Variants in FRMD4A observed in about 807,000 individuals in gnomAD.
FRMD4A encodes FERM domain containing 4A.
FRMD4A carries 29 observed loss-of-function variants against 129.1 expected under a neutral mutation model. That is an observed-to-expected ratio of 0.22 (90% CI 0.17 to 0.31). The LOEUF is 0.31. Among genes scored for constraint, FRMD4A ranks in the 10% least tolerant of loss-of-function variants. The probability of loss-of-function intolerance (pLI) is 1.00; values close to 1 mark genes in which losing one functional copy is unlikely to be tolerated. For synonymous variants in FRMD4A, 634 were observed against 571.6 expected, an observed-to-expected ratio of 1.11 and a Z score of -1.56; for missense variants, 1,272 against 1,375.8, an observed-to-expected ratio of 0.92 and a Z score of 1.19.
intron 2 of FRMD4A, among the ~76,000 whole-genome samples, chr10:13,995,819 C>CTT (rs112271578): frequency 6.2e-5 from 9 of 144,332 alleles, no homozygotes; most frequent in African/African-American, 7.6e-5. Context: ...TTCCAGACTG[C>CTT]TTTTTTTTTT....
At chr10:14,007,858 A>G (rs1040643348) in intron 2 of FRMD4A, among the ~76,000 whole-genome samples, 20 of 152,218 alleles carry the variant, frequency 1.3e-4, no homozygotes, top group African/African-American at 4.8e-4. Flanking sequence ...TGAGATCCAC[A>G]AGTTACAAAA....
intron 3 of FRMD4A, among the ~76,000 whole-genome samples, chr10:13,822,948 G>T (rs891037665): frequency 1.3e-5 from 2 of 152,082 alleles, no homozygotes; most frequent in Non-Finnish European, 2.9e-5. Flanking sequence ...CTCCCTGGGA[G>T]CAATGCTTTT....
chr10:13,921,258 C>CTT (rs2095068954), intron 2 of FRMD4A, among the ~76,000 whole-genome samples: 3 of 135,308 alleles, frequency 2.2e-5, no homozygotes, highest in African/African-American at 5.2e-5. Flanking sequence ...TTCTCTCTCT[C>CTT]TCTCTCTTTC....
chr10:13,823,535 C>G (rs1320083879), intron 3 of FRMD4A, among the ~76,000 whole-genome samples: 7 of 152,222 alleles, frequency 4.6e-5, no homozygotes, highest in African/African-American at 1.7e-4. Context: ...GAAGCAACAT[C>G]TTGGGATTCC....
intron 2 of FRMD4A, among the ~76,000 whole-genome samples, chr10:14,211,605 G>T (rs968989175): frequency 1.3e-5 from 2 of 152,096 alleles, no homozygotes; most frequent in African/African-American, 4.8e-5. Flanking sequence ...GATCTTTAGG[G>T]TCAAAGATTG....
chr10:13,697,418 G>A (rs1323459967), intron 14 of FRMD4A, among the ~76,000 whole-genome samples: 2 of 152,142 alleles, frequency 1.3e-5, no homozygotes, highest in Non-Finnish European at 2.9e-5. Flanking sequence ...AAAGTGCTGG[G>A]ATTACAGGCA....
intron 12 of FRMD4A, among the ~76,000 whole-genome samples, chr10:13,717,778 G>A (rs1196838564): frequency 6.7e-6 from 1 of 149,004 alleles, no homozygotes. Context: ...ATCCAGAGAC[G>A]TGGCATCATA....
At chr10:14,098,851 C>T (rs926831744) in intron 2 of FRMD4A, among the ~76,000 whole-genome samples, 3 of 152,206 alleles carry the variant, frequency 2.0e-5, no homozygotes, top group Non-Finnish European at 4.4e-5. Context: ...TTTCCTGGCA[C>T]AGTACAACAT....
At chr10:13,735,477 TC>T (rs1162701861) in intron 12 of FRMD4A, among the ~76,000 whole-genome samples, 1 of 152,242 alleles carries the variant, frequency 6.6e-6, no homozygotes, top group African/African-American at 2.4e-5. Context: ...TGTTTTAGCA[TC>T]TTATAATAAT....
At chr10:14,064,014 A>C (rs1025137849) in intron 2 of FRMD4A, among the ~76,000 whole-genome samples, 1 of 152,210 alleles carries the variant, frequency 6.6e-6, no homozygotes. Flanking sequence ...TTGAAAAATC[A>C]AGTCATGTTC....
intron 12 of FRMD4A, among the ~76,000 whole-genome samples, chr10:13,728,102 T>A (rs1461034501): frequency 6.6e-6 from 1 of 152,118 alleles, no homozygotes; most frequent in African/African-American, 2.4e-5. Context: ...CACCAACAAC[T>A]CCTAGGGTTT....
At chr10:14,202,590 G>A (rs991680818) in intron 2 of FRMD4A, among the ~76,000 whole-genome samples, 5 of 151,786 alleles carry the variant, frequency 3.3e-5, no homozygotes, top group East Asian at 1.9e-4. Context: ...TAGTAGAGAC[G>A]GGGTTTCACC....
chr10:14,134,802 A>G (rs557291746), intron 2 of FRMD4A, among the ~76,000 whole-genome samples: 1 of 152,322 alleles, frequency 6.6e-6, no homozygotes, highest in South Asian at 2.1e-4. Context: ...GTGGAGACCC[A>G]AGGAGTGATT....
At chr10:13,702,663 C>T (rs542542230) in intron 13 of FRMD4A, among the ~76,000 whole-genome samples, 8 of 152,094 alleles carry the variant, frequency 5.3e-5, no homozygotes, top group Middle Eastern at 3.4e-3. Context: ...TCAAGACTAA[C>T]ATATCTAATT....
intron 2 of FRMD4A, among the ~76,000 whole-genome samples, chr10:14,162,249 TCTAA>T (rs768444329): frequency 1.6e-4 from 25 of 152,214 alleles, no homozygotes; most frequent in Non-Finnish European, 3.1e-4. Context: ...ACAAGGCATC[TCTAA>T]CTGATTCATT....
At chr10:14,141,595 C>G (rs1839839115) in intron 2 of FRMD4A, among the ~76,000 whole-genome samples, 1 of 152,104 alleles carries the variant, frequency 6.6e-6, no homozygotes, top group Non-Finnish European at 1.5e-5. Flanking sequence ...CTGCCATACC[C>G]CCTTCACCTA....
At chr10:14,236,651 C>A (rs955126934) in intron 2 of FRMD4A, among the ~76,000 whole-genome samples, 1 of 152,154 alleles carries the variant, frequency 6.6e-6, no homozygotes, top group East Asian at 1.9e-4. Flanking sequence ...TGCCTGAGGG[C>A]AAGAGAGGGA....
intron 15 of FRMD4A, chr10:13,684,522 A>G (rs1005615158): frequency 3.0e-6 from 3 of 985,190 alleles, no homozygotes; most frequent in Non-Finnish European, 3.6e-6. Context: ...CAGCACAAAC[A>G]GCAGCTCTCC....
chr10:13,780,061 C>T (rs1032671795), intron 6 of FRMD4A, among the ~76,000 whole-genome samples: 5 of 152,106 alleles, frequency 3.3e-5, no homozygotes, highest in African/African-American at 7.2e-5. Context: ...CAAGGTGGCT[C>T]ACACCTGTAA....
Sources: allele counts gnomAD v4.1 joint callset (sites outside exome capture counted in the v4.1 genomes callset), GRCh38; gene constraint gnomAD v4.1.1; transcripts MANE v1.5; gene names NCBI Gene and HGNC (gene_info 2026-07-23, HGNC 2026-07-21).